The following ASCL1 variants were observed in gnomAD, a reference collection of about 807,000 sequenced individuals.
ASCL1 encodes achaete-scute family bHLH transcription factor 1, also known as achaete-scute homolog 1.
Under a neutral mutation model 16.1 loss-of-function variants are expected in ASCL1, and 2 were observed. The ratio of observed to expected loss-of-function variants is 0.12; its 90% CI spans 0.05 to 0.39. The LOEUF is 0.39. Ranked by LOEUF, ASCL1 falls within the 10% of genes least tolerant of loss-of-function variation. The pLI is 0.99. For synonymous variants in ASCL1, 165 were observed against 155.7 expected (o/e 1.06, Z -0.45); for missense variants, 276 against 336.9 (o/e 0.82, Z 1.41).
At chr12:102,959,324 T>TCAAATTAA in intron 1 of ASCL1, 38 bp from the exon 2 acceptor site, 1 of 302,274 alleles carries the variant, frequency 3.3e-6, no homozygotes, top group Non-Finnish European at 6.3e-6. Context: ...GCCTACACGT[T>TCAAATTAA]CAAATTAACC....
At position 102,960,419 on chromosome 12, in the gene ASCL1, T is replaced by G. The variant is rs1051750372; in HGVS notation, c.*1105T>G. 6.6e-6 allele frequency: 1 copy of G among 152,418 alleles called. No homozygotes were observed. Among genetic ancestry groups the G allele is most frequent in the African/African-American group, 2.4e-5 (1 of 41,406 alleles). The allele number at this position is 152,418 out of a possible 1,614,324, so 9.4% of individuals were successfully genotyped here. On this transcript the variant is annotated 3_prime_UTR_variant, in exon 2 of 2. Coordinates refer to ENST00000266744, the MANE Select transcript of ASCL1 (RefSeq NM_004316.4). ...ATTTCTATTACTGCCTTTTTTTTTCTTACTGTTTTATTACAAACTTACAAA... is the reference window on the plus strand; with the variant it reads ...ATTTCTATTACTGCCTTTTTTTTTCGTACTGTTTTATTACAAACTTACAAA...
Position 102,958,373 on chromosome 12 carries a change from C to A in ASCL1, c.129C>A (p.Ala43=). The change falls in exon 1 of 2, where the codon GCC becomes GCA. Residue 43 remains alanine (A), a synonymous_variant. Coordinates refer to ENST00000266744, the MANE Select transcript of ASCL1 (RefSeq NM_004316.4). ...ATAAAAAAAA[A]AAAAQSAQQQ... ...CCGCAGCCGCGGCGGCCGCAGCCGC[C>A]GCAGCGGCAGCGCAGAGCGCGCAGC... 6.9e-7 allele frequency: 1 copy of A among 1,447,630 alleles called. No individual in the cohort carries two copies. The highest frequency in any genetic ancestry group is 9.0e-7 in the Non-Finnish European group (1 of 1,105,016). 89.7% of individuals were successfully genotyped at this position (1,447,630 alleles called of 1,614,324 possible). A position where few individuals can be genotyped will look rare whatever the true frequency, so the allele number is the denominator to read the frequency against.
At position 102,960,107 on chromosome 12, in the gene ASCL1, T is replaced by C. The variant is rs1036288969; in HGVS notation, c.*793T>C. 5.9e-5 allele frequency: 9 copies of C among 152,656 alleles called. No homozygotes were observed. The highest frequency in any genetic ancestry group is 2.9e-5 in the Non-Finnish European group (2 of 68,044). 9.5% of individuals were successfully genotyped at this position (152,656 alleles called of 1,614,324 possible). On this transcript the variant is annotated 3_prime_UTR_variant, in exon 2 of 2. Transcript: ENST00000266744. ...TTTTGTACAAATGGTTTAAAATGTGTATATCTTGATACTTTAACATGTAAT... is the reference window on the plus strand; with the variant it reads ...TTTTGTACAAATGGTTTAAAATGTGCATATCTTGATACTTTAACATGTAAT...
Position 102,958,429 on chromosome 12 carries a change from A to AGCT in ASCL1, c.186_187insCTG (p.Gln62_Ala63insLeu). The AGCT allele has an allele frequency of 6.5e-7, 1 of 1,548,802 alleles. No individual in the cohort carries two copies. The highest frequency in any genetic ancestry group is 1.2e-5 in the South Asian group (1 of 84,096). On this transcript the variant is annotated inframe_insertion, in exon 1 of 2. Transcript: ENST00000266744. ...CAGCAGCAGCAGCAGCAGCAGCAGC[A>AGCT]GGCGCCGCAGCTGAGACCGGCGGCC...
chr12:102,958,503 A>G lies in ASCL1; in HGVS notation c.259A>G (p.Lys87Glu). The G allele has an allele frequency of 3.1e-6, 5 of 1,599,306 alleles. No homozygotes were observed. The highest frequency in any genetic ancestry group is 4.3e-6 in the Non-Finnish European group (5 of 1,173,300). The stretch of plus-strand genomic sequence containing the variant: ...TCACAAGTCAGCGCCCAAGCAAGTC[A>G]AGCGACAGCGCTCGTCTTCGCCCGA... ...GGHKSAPKQV[K>E]RQRSSSPELM... The change falls in exon 1 of 2, where the codon AAG (lysine) becomes GAG (glutamate). Residue 87 changes from lysine to glutamate, a missense_variant. Around this residue, in one of 3 missense-constraint regions of ASCL1, gnomAD observed 178 missense variants for 167.0 expected, o/e 1.07. Coordinates refer to ENST00000266744, the MANE Select transcript of ASCL1 (RefSeq NM_004316.4).
At position 102,958,082 on chromosome 12, in the gene ASCL1, AT is replaced by A. The variant is rs529317581; in HGVS notation, c.-159del. 1.5e-3 allele frequency: 735 copies of A among 477,026 alleles called. 6 individuals carry two copies. The highest frequency in any genetic ancestry group is 0.014 in the African/African-American group (674 of 49,362). The allele number at this position is 477,026 out of a possible 1,614,324, so 29.5% of individuals were successfully genotyped here. On this transcript the variant is annotated 5_prime_UTR_variant, in exon 1 of 2. Transcript: ENST00000266744. ...TCCCACTCTAAGAAGTCTCCCGGGG[AT>A]TTTGTATATATTTTTTAACTTCCGT...
chr12:102,958,290 C>T lies in ASCL1; in HGVS notation c.46C>T (p.Pro16Ser), dbSNP rs1448434640. ...GGAGAGCGGCGGCGCCGGCCAGCAG[C>T]CCCAGCCGCAGCCCCAGCAGCCCTT... ...KMESGGAGQQPQPQPQQPFLP... is the reference protein window; with the variant it reads ...KMESGGAGQQSQPQPQQPFLP... The change falls in exon 1 of 2, where the codon CCC becomes TCC. Residue 16 changes from proline to serine, a missense_variant. Pro to Ser is a moderately conservative substitution (Grantham distance 74). Around this residue, in one of 3 missense-constraint regions of ASCL1, gnomAD observed 178 missense variants for 167.0 expected, o/e 1.07. Transcript: ENST00000266744. 4.7e-6 allele frequency: 7 copies of T among 1,479,164 alleles called. No homozygotes were observed. In the Middle Eastern group the frequency reaches 8.8e-4, roughly 186 times the overall value. The allele number at this position is 1,479,164 out of a possible 1,614,324, so 91.6% of individuals were successfully genotyped here. A position where few individuals can be genotyped will look rare whatever the true frequency, so the allele number is the denominator to read the frequency against.
chr12:102,959,952 A>G lies in ASCL1; in HGVS notation c.*638A>G, dbSNP rs1273062477. The G allele has an allele frequency of 1.3e-5, 2 of 152,652 alleles. No individual in the cohort carries two copies. Among genetic ancestry groups the G allele is most frequent in the East Asian group, 1.9e-4 (1 of 5,184 alleles). The allele number at this position is 152,652 out of a possible 1,614,324, so 9.5% of individuals were successfully genotyped here. A position where few individuals can be genotyped will look rare whatever the true frequency, so the allele number is the denominator to read the frequency against. ...CACTGTCTTTTCTACCATTTTCATT[A>G]TAGAATGCTTCCAATCTTTTGTGAA... On this transcript the variant is annotated 3_prime_UTR_variant, in exon 2 of 2. Transcript: ENST00000266744.
At position 102,958,391 on chromosome 12, in the gene ASCL1, C is replaced by CGA; in HGVS notation, c.148_149insAG (p.Ala50GlufsTer18). 4 of 1,420,510 alleles carry CGA rather than the reference C, an allele frequency of 2.8e-6. No homozygotes were observed. The highest frequency in any genetic ancestry group is 2.8e-6 in the Non-Finnish European group (3 of 1,079,932). 88.0% of individuals were successfully genotyped at this position (1,420,510 alleles called of 1,614,324 possible). The stretch of plus-strand genomic sequence containing the variant: ...CAGCCGCCGCAGCGGCAGCGCAGAG[C>CGA]GCGCAGCAGCAGCAGCAGCAGCAGC... On this transcript the variant is annotated frameshift_variant, in exon 1 of 2. Coordinates refer to ENST00000266744, the MANE Select transcript of ASCL1 (RefSeq NM_004316.4). LOFTEE classifies it high-confidence loss of function.
Position 102,959,002 on chromosome 12 carries a change from G to A in ASCL1, c.*47G>A. 6.2e-7 allele frequency: 1 copy of A among 1,612,472 alleles called. No homozygotes were observed. The highest frequency in any genetic ancestry group is 8.5e-7 in the Non-Finnish European group (1 of 1,179,982). On this transcript the variant is annotated splice_region_variant and 3_prime_UTR_variant, in exon 1 of 2. Coordinates refer to ENST00000266744, the MANE Select transcript of ASCL1 (RefSeq NM_004316.4). ...CTGGTGCGAATGGACTTTGGAAGCA[G>A]GTAGGTTGCATTTTGGGGTGGGCAG...
At position 102,958,919 on chromosome 12, in the gene ASCL1, G is replaced by A. The variant is rs1248298434; in HGVS notation, c.675G>A (p.Glu225=). The part of the protein sequence containing the change: ...DEGSYDPLSP[E]EQELLDFTNW... ...GCTCTTACGACCCGCTCAGCCCCGA[G>A]GAGCAGGAGCTTCTCGACTTCACCA... The change falls in exon 1 of 2, where the codon GAG becomes GAA. Residue 225 remains glutamate, a synonymous_variant. Coordinates refer to ENST00000266744, the MANE Select transcript of ASCL1 (RefSeq NM_004316.4). The A allele has an allele frequency of 2.5e-6, 4 of 1,613,734 alleles. No individual in the cohort carries two copies. Among genetic ancestry groups the A allele is most frequent in the South Asian group, 2.2e-5 (2 of 91,086 alleles).
chr12:102,958,050 T>C lies in ASCL1; in HGVS notation c.-195T>C, dbSNP rs188342963. ...GGGAGGAGAAAAAGCATTTTCACTT[T>C]TTTTGCTCCCACTCTAAGAAGTCTC... On this transcript the variant is annotated 5_prime_UTR_variant, in exon 1 of 2. Coordinates refer to ENST00000266744, the MANE Select transcript of ASCL1 (RefSeq NM_004316.4). 3.9e-5 allele frequency: 16 copies of C among 409,318 alleles called. 1 individual carries two copies. In the East Asian group the frequency reaches 4.1e-4, roughly 10 times the overall value. 25.4% of individuals were successfully genotyped at this position (409,318 alleles called of 1,614,324 possible). A position where few individuals can be genotyped will look rare whatever the true frequency, so the allele number is the denominator to read the frequency against.
chr12:102,958,165 C>A lies in ASCL1; in HGVS notation c.-80C>A. 8.8e-7 allele frequency: 1 copy of A among 1,140,664 alleles called. No individual in the cohort carries two copies. Among genetic ancestry groups the A allele is most frequent in the Non-Finnish European group, 1.2e-6 (1 of 865,062 alleles). The allele number at this position is 1,140,664 out of a possible 1,614,324, so 70.7% of individuals were successfully genotyped here. Reference sequence around the variant, plus strand: ...CCCTCTCTGTTCCTGCACCCAAGTTCTCTCTGTGTCCCCCTCGCGGGCCCC... The same window carrying A: ...CCCTCTCTGTTCCTGCACCCAAGTTATCTCTGTGTCCCCCTCGCGGGCCCC... On this transcript the variant is annotated 5_prime_UTR_variant, in exon 1 of 2. Transcript: ENST00000266744.
intron 1 of ASCL1, 89 bp downstream of exon 1, chr12:102,959,091 A>T: frequency 7.5e-7 from 1 of 1,331,780 alleles, no homozygotes; most frequent in Non-Finnish European, 1.0e-6. Flanking sequence ...CTCCAAGGAG[A>T]TAAGGGGATT....
chr12:102,958,151 C>A lies in ASCL1; in HGVS notation c.-94C>A. The A allele has an allele frequency of 1.3e-5, 12 of 946,890 alleles. No homozygotes were observed. The highest frequency in any genetic ancestry group is 1.4e-5 in the Non-Finnish European group (10 of 698,662). 58.7% of individuals were successfully genotyped at this position (946,890 alleles called of 1,614,324 possible). Reference sequence around the variant, plus strand: ...ATTTCCTTTTCTTTCCCTCTCTGTTCCTGCACCCAAGTTCTCTCTGTGTCC... The same window carrying A: ...ATTTCCTTTTCTTTCCCTCTCTGTTACTGCACCCAAGTTCTCTCTGTGTCC... On this transcript the variant is annotated 5_prime_UTR_variant, in exon 1 of 2. Coordinates refer to ENST00000266744, the MANE Select transcript of ASCL1 (RefSeq NM_004316.4).
chr12:102,958,512 C>A lies in ASCL1; in HGVS notation c.268C>A (p.Arg90Ser). The change falls in exon 1 of 2, where the codon CGC becomes AGC. Residue 90 changes from arginine (R) to serine (S), a missense_variant. Coordinates refer to ENST00000266744, the MANE Select transcript of ASCL1 (RefSeq NM_004316.4). ...AGCGCCCAAGCAAGTCAAGCGACAG[C>A]GCTCGTCTTCGCCCGAACTGATGCG... ...KSAPKQVKRQ[R>S]SSSPELMRCK... The A allele has an allele frequency of 6.2e-7, 1 of 1,602,750 alleles. No homozygotes were observed. Among genetic ancestry groups the A allele is most frequent in the Non-Finnish European group, 8.5e-7 (1 of 1,175,028 alleles).
chr12:102,958,601 C>T lies in ASCL1; in HGVS notation c.357C>T (p.Ala119=), dbSNP rs1880018075. 1.2e-6 allele frequency: 2 copies of T among 1,611,078 alleles called. No individual in the cohort carries two copies. Residue 119 remains alanine (A), a synonymous_variant, in exon 1 of 2, where the codon GCC becomes GCT. Transcript: ENST00000266744. ...GCCTGCCGCAGCAGCAGCCGGCCGC[C>T]GTGGCGCGCCGCAACGAGCGCGAGC... ...GYSLPQQQPA[A]VARRNERERN...
rs776175493 is a variant in ASCL1, at chr12:102,958,238, G to A, written c.-7G>A. On this transcript the variant is annotated 5_prime_UTR_variant, in exon 1 of 2. Transcript: ENST00000266744. ...CTGATTCCGCGACTCCTTGGCCGCC[G>A]CTGCGCATGGAAAGCTCTGCCAAGA... 6.8e-5 allele frequency: 100 copies of A among 1,464,394 alleles called. No individual in the cohort carries two copies. The highest frequency in any genetic ancestry group is 8.5e-5 in the Non-Finnish European group (94 of 1,111,944). The allele number at this position is 1,464,394 out of a possible 1,614,324, so 90.7% of individuals were successfully genotyped here. A position where few individuals can be genotyped will look rare whatever the true frequency, so the allele number is the denominator to read the frequency against.
In ASCL1 at chr12:102,958,897, C is replaced by T; in HGVS notation, c.653C>T (p.Ser218Phe). The T allele has an allele frequency of 1.9e-6, 3 of 1,613,976 alleles. No individual in the cohort carries two copies. The highest frequency in any genetic ancestry group is 1.7e-6 in the Non-Finnish European group (2 of 1,180,042). The change falls in exon 1 of 2, where the codon TCT (serine) becomes TTT (phenylalanine). Residue 218 changes from serine (S) to phenylalanine (F), a missense_variant. This residue lies in a region of ASCL1 where 68 missense variants were observed against 86.7 expected (regional missense o/e 0.78). Coordinates refer to ENST00000266744, the MANE Select transcript of ASCL1 (RefSeq NM_004316.4). ...TCATCCTACTCGTCGGACGAGGGCTCTTACGACCCGCTCAGCCCCGAGGAG... is the reference window on the plus strand; with the variant it reads ...TCATCCTACTCGTCGGACGAGGGCTTTTACGACCCGCTCAGCCCCGAGGAG... ...PVSSYSSDEGSYDPLSPEEQE... is the reference protein window; with the variant it reads ...PVSSYSSDEGFYDPLSPEEQE...
Sources: allele counts gnomAD v4.1 joint callset, GRCh38; gene constraint gnomAD v4.1.1; regional missense constraint gnomAD v4.1.1; transcripts MANE v1.5; gene names NCBI Gene and HGNC (gene_info 2026-07-23, HGNC 2026-07-21).